The following ACSL6 variants were observed in gnomAD, a reference collection of about 807,000 sequenced individuals.
The protein encoded by ACSL6 is long-chain-fatty-acid--CoA ligase 6.
In ACSL6, 47 loss-of-function variants were observed where a neutral mutation model predicts 98.2. That is an observed-to-expected ratio of 0.48 (90% CI 0.38 to 0.61). The LOEUF (loss-of-function observed/expected upper bound fraction) is 0.61. Among genes scored for constraint, ACSL6 ranks in the 20% least tolerant of loss-of-function variants. The pLI, the probability that ACSL6 is intolerant of heterozygous loss-of-function variation, is 0.00. For synonymous variants in ACSL6, 362 were observed against 336.9 expected, an observed-to-expected ratio of 1.07 and a Z score of -0.82; for missense variants, 761 against 913.4, an observed-to-expected ratio of 0.83 and a Z score of 2.15.
chr5:131,972,816 C>G lies in ACSL6; in HGVS notation c.1246G>C (p.Glu416Gln). ...ANTPLKRWLL[E>Q]FAAKRKQAEV... is the part of the protein sequence containing the mutation. Reference sequence around the variant, plus strand: ...GCTTGCTTACGCTTTGCTGCAAACTCCAGGAGCCAGCGCTTTAATGGTGTG... The same window carrying G: ...GCTTGCTTACGCTTTGCTGCAAACTGCAGGAGCCAGCGCTTTAATGGTGTG... Residue 416 changes from glutamate to glutamine, a missense_variant, in exon 13 of 21, where the codon GAG (glutamate) becomes CAG (glutamine). Glu to Gln is a conservative substitution (Grantham distance 29). Transcript: ENST00000651883. The G allele has an allele frequency of 6.2e-7, 1 of 1,614,200 alleles. No homozygotes were observed. Among genetic ancestry groups the G allele is most frequent in the Non-Finnish European group, 8.5e-7 (1 of 1,180,036 alleles).
intron 1 of ACSL6, among the ~76,000 whole-genome samples, chr5:132,007,903 C>A (rs1755500079): frequency 6.6e-6 from 1 of 152,310 alleles, no homozygotes; most frequent in African/African-American, 2.4e-5. Context: ...ATGGGACAGT[C>A]CTGAGTCCCA....
At chr5:132,007,739 C>T (rs1428846739) in intron 1 of ACSL6, among the ~76,000 whole-genome samples, 1 of 152,204 alleles carries the variant, frequency 6.6e-6, no homozygotes, top group Non-Finnish European at 1.5e-5. Flanking sequence ...TAAAAACACC[C>T]CTCCACACAC....
chr5:131,988,925 G>A (rs1754350651), intron 5 of ACSL6, 21 bp from the exon 6 acceptor site: 1 of 1,602,644 alleles, frequency 6.2e-7, no homozygotes, highest in Non-Finnish European at 8.5e-7. Flanking sequence ...ACATGAGGCG[G>A]GGGTGGGGAA....
At chr5:131,990,824 T>G in intron 3 of ACSL6, 29 bp downstream of exon 3, 24 of 1,380,718 alleles carry the variant, frequency 1.7e-5, no homozygotes, top group African/African-American at 5.3e-5. Context: ...ACACAGCCCC[T>G]CCACACCCCC....
rs1752119620 is a variant in ACSL6 at position 131,950,821 on chromosome 5, T to C, written c.*3413A>G. ...TGCTGATTTCAAGTTGCTAAAACAT[T>C]ACCTGATTGGAAAAAATTCCAATGG... On this transcript the variant is annotated 3_prime_UTR_variant, in exon 21 of 21. Coordinates refer to ENST00000651883, the MANE Select transcript of ACSL6 (RefSeq NM_001009185.3). The C allele has an allele frequency of 5.2e-6, 1 of 191,114 alleles. No homozygotes were observed. Among genetic ancestry groups the C allele is most frequent in the Non-Finnish European group, 1.1e-5 (1 of 91,332 alleles). The allele number at this position is 191,114 out of a possible 1,614,324, so 11.8% of individuals were successfully genotyped here. A position where few individuals can be genotyped will look rare whatever the true frequency, so the allele number is the denominator to read the frequency against.
At chr5:132,002,022 C>G (rs919598152) in intron 1 of ACSL6, 16 of 152,250 alleles carry the variant, frequency 1.1e-4, no homozygotes, top group Admixed American at 1.0e-3. Context: ...AGAGGGACAG[C>G]AGGGGCTAAA....
chr5:131,979,331 T>C (rs1376453634), intron 9 of ACSL6, among the ~76,000 whole-genome samples: 1 of 152,214 alleles, frequency 6.6e-6, no homozygotes, highest in Non-Finnish European at 1.5e-5. Flanking sequence ...GAGTCCTGTG[T>C]TACAGAGCTT....
chr5:131,974,228 G>A (rs1426512841), intron 11 of ACSL6, among the ~76,000 whole-genome samples: 1 of 152,108 alleles, frequency 6.6e-6, no homozygotes, highest in African/African-American at 2.4e-5. Flanking sequence ...CATATATGGA[G>A]AATTCCTTGT....
intron 7 of ACSL6, among the ~76,000 whole-genome samples, chr5:131,987,511 G>T (rs1178641043): frequency 1.3e-5 from 2 of 152,314 alleles, no homozygotes; most frequent in East Asian, 1.9e-4. Context: ...GGGCATAGTG[G>T]GGGGTCAGCT....
chr5:131,960,546 T>A lies in ACSL6; in HGVS notation c.1933A>T (p.Thr645Ser). 1 of 1,614,076 alleles carries A rather than the reference T, an allele frequency of 6.2e-7. No individual in the cohort carries two copies. Among genetic ancestry groups the A allele is most frequent in the South Asian group, 1.1e-5 (1 of 91,060 alleles). The change falls in exon 19 of 21, where the codon ACA (threonine) becomes TCA (serine). Residue 645 changes from threonine to serine, a missense_variant. Transcript: ENST00000651883. ...SWAQKRGIEG[T>S]YADLCTNKDL... ...TTATTTGTGCAGAGATCTGCATATG[T>A]TCCTTCAATTCCTCTCTTCTGGGCC... is the stretch of plus-strand genomic sequence containing the variant.
At chr5:131,986,288 C>G (rs1368138756) in intron 8 of ACSL6, among the ~76,000 whole-genome samples, 3 of 152,156 alleles carry the variant, frequency 2.0e-5, no homozygotes, top group African/African-American at 7.2e-5. Context: ...AAGGACTGAG[C>G]TGGAGGGAGG....
At position 131,954,102 on chromosome 5, in the gene ACSL6, G is replaced by T; in HGVS notation, c.*132C>A. 2.3e-6 allele frequency: 2 copies of T among 873,844 alleles called. No homozygotes were observed. The highest frequency in any genetic ancestry group is 3.2e-6 in the Non-Finnish European group (2 of 628,506). The allele number at this position is 873,844 out of a possible 1,614,324, so 54.1% of individuals were successfully genotyped here. Reference sequence around the variant, plus strand: ...GAAAATATTGTTAAAGACCTCTTGGGACAGGAAAAGGCTCAGTCATAAAAT... The same window carrying T: ...GAAAATATTGTTAAAGACCTCTTGGTACAGGAAAAGGCTCAGTCATAAAAT... On this transcript the variant is annotated 3_prime_UTR_variant, in exon 21 of 21. Transcript: ENST00000651883.
intron 7 of ACSL6, among the ~76,000 whole-genome samples, chr5:131,987,247 C>T (rs1296935293): frequency 1.3e-5 from 2 of 152,206 alleles, no homozygotes; most frequent in Admixed American, 1.3e-4. Context: ...GCACATGCCA[C>T]CTGTATGATG....
intron 16 of ACSL6, 102 bp from the exon 17 acceptor site, chr5:131,966,634 GA>G: frequency 2.0e-6 from 2 of 980,756 alleles, no homozygotes; most frequent in South Asian, 2.7e-5. Context: ...TACCCATCAG[GA>G]AAGCCACTGT....
chr5:132,011,108 C>T lies in ACSL6; in HGVS notation c.49+397G>A, dbSNP rs552444748. ...GTTACATAGCTGACCTGCTGTGGGA[C>T]CTCGGGGACCAACACCCTCGGTTTC... On this transcript the variant is annotated intron_variant, in intron 1 of 20. Transcript: ENST00000651883. This position sits in a 1 kb window ranked among gnomAD's most constrained non-coding sequence, Gnocchi z 5.4. 6.6e-6 allele frequency among the ~76,000 whole-genome samples: 1 copy of T among 152,278 alleles called. No homozygotes were observed. The highest frequency in any genetic ancestry group is 2.1e-4 in the South Asian group (1 of 4,828).
chr5:131,965,616 G>T (rs1752975837), intron 17 of ACSL6, among the ~76,000 whole-genome samples: 1 of 152,132 alleles, frequency 6.6e-6, no homozygotes, highest in African/African-American at 2.4e-5. Flanking sequence ...CAGCTGCTGG[G>T]GAGCCTGAGG....
At chr5:131,990,585 G>A (rs1754450344) in intron 3 of ACSL6, among the ~76,000 whole-genome samples, 1 of 152,132 alleles carries the variant, frequency 6.6e-6, no homozygotes, top group Non-Finnish European at 1.5e-5. Context: ...GCAGTTCAAG[G>A]CTCCCCAAGA....
chr5:131,963,781 A>G (rs927807990), intron 17 of ACSL6, among the ~76,000 whole-genome samples: 14 of 152,062 alleles, frequency 9.2e-5, no homozygotes, highest in African/African-American at 3.4e-4. Flanking sequence ...ATCTCTCCAA[A>G]AGAGAAAAAT....
At chr5:131,974,418 A>T (rs575428345) in intron 11 of ACSL6, among the ~76,000 whole-genome samples, 26 of 152,348 alleles carry the variant, frequency 1.7e-4, no homozygotes, top group African/African-American at 6.3e-4. Flanking sequence ...GTTATGGAAC[A>T]TAAGTGTTTT....
Sources: allele counts gnomAD v4.1 joint callset (sites outside exome capture counted in the v4.1 genomes callset), GRCh38; gene constraint gnomAD v4.1.1; non-coding constraint Gnocchi (gnomAD v3.1); transcripts MANE v1.5; gene names NCBI Gene and HGNC (gene_info 2026-07-23, HGNC 2026-07-21).